Variants in TRIM50 observed in about 807,000 individuals in gnomAD.
TRIM50 encodes the protein tripartite motif containing 50.
In TRIM50, 34 loss-of-function variants were observed where a neutral mutation model predicts 44.9. The observed-to-expected ratio is 0.76, with a 90% CI of 0.58 to 1.01. The LOEUF (loss-of-function observed/expected upper bound fraction) is 1.01, where lower values mean the gene tolerates loss of function less well. TRIM50 is among the 50% of genes least tolerant of loss of function. TRIM50 has a pLI of 0.00. For synonymous variants in TRIM50, 307 were observed against 291.1 expected (o/e 1.05, Z -0.56); for missense variants, 633 against 663.7 (o/e 0.95, Z 0.51).
chr7:73,313,053 G>A lies in TRIM50; in HGVS notation c.1332C>T (p.Ala444=), dbSNP rs1426066070. 1.3e-6 allele frequency: 2 copies of A among 1,580,458 alleles called. No homozygotes were observed. Among genetic ancestry groups the A allele is most frequent in the Non-Finnish European group, 1.7e-6 (2 of 1,163,566 alleles). Residue 444 remains alanine (A), a synonymous_variant, in exon 7 of 7, where the codon GCC becomes GCT. Coordinates refer to ENST00000333149, the MANE Select transcript of TRIM50 (RefSeq NM_178125.3). The surrounding 1 kb of genome is among the most constrained non-coding windows in gnomAD (Gnocchi z 4.9). Reference sequence around the variant, plus strand: ...TGGGGTAGAGCTTGCCCTGGAAGTCGGCCTGGAAGGTGTAGAGCGGCCGCA... The same window carrying A: ...TGGGGTAGAGCTTGCCCTGGAAGTCAGCCTGGAAGGTGTAGAGCGGCCGCA... ...DDLRPLYTFQ[A]DFQGKLYPIL...
chr7:73,320,410 G>C (rs782012798), intron 2 of TRIM50, among the ~76,000 whole-genome samples, 168 bp from the exon 3 acceptor site: 10 of 152,224 alleles, frequency 6.6e-5, no homozygotes, highest in Admixed American at 2.6e-4. Flanking sequence ...TAAATTGTTC[G>C]AGAATAGTCT....
In TRIM50 at chr7:73,324,521, G is replaced by A. The variant is rs1554545613; in HGVS notation, c.267C>T (p.Cys89=). The A allele has an allele frequency of 4.3e-6, 7 of 1,613,996 alleles. No homozygotes were observed. The highest frequency in any genetic ancestry group is 1.7e-4 in the Middle Eastern group (1 of 5,914). Residue 89 remains cysteine, a synonymous_variant, in exon 2 of 7, where the codon TGC becomes TGT. Transcript: ENST00000333149. ...GGCTGAGCGGGTTCCGGTGGTGCAC[G>A]CAGACCTTGGGCTCCGGGTCCCCAG... The part of the protein sequence containing the change: ...RLPGDPEPKV[C]VHHRNPLSLF...
intron 2 of TRIM50, 113 bp downstream of exon 2, chr7:73,324,276 T>C (rs1804560908): frequency 6.4e-7 from 1 of 1,563,934 alleles, no homozygotes; most frequent in Non-Finnish European, 8.7e-7. Flanking sequence ...AGGGCACAGC[T>C]GCAGGGAAAT....
chr7:73,328,069 C>A lies in TRIM50; in HGVS notation c.-188G>T. The stretch of plus-strand genomic sequence containing the variant: ...GCCCCGCCTCGCGCTACCGCGCGTG[C>A]CCCATCATGCTCTGCGCGCTCCCAT... On this transcript the variant is annotated 5_prime_UTR_variant, in exon 1 of 7. Coordinates refer to ENST00000333149, the MANE Select transcript of TRIM50 (RefSeq NM_178125.3). 1.1e-6 allele frequency: 1 copy of A among 886,354 alleles called. No homozygotes were observed. The highest frequency in any genetic ancestry group is 1.8e-6 in the Non-Finnish European group (1 of 571,142). The allele number at this position is 886,354 out of a possible 1,614,324, so 54.9% of individuals were successfully genotyped here. A position where few individuals can be genotyped will look rare whatever the true frequency, so the allele number is the denominator to read the frequency against.
In TRIM50 at chr7:73,313,346, C is replaced by T. The variant is rs781787538; in HGVS notation, c.1039G>A (p.Gly347Ser). The change falls in exon 7 of 7, where the codon GGC (glycine) becomes AGC (serine). Residue 347 changes from glycine (G) to serine (S), a missense_variant. Coordinates refer to ENST00000333149, the MANE Select transcript of TRIM50 (RefSeq NM_178125.3). The surrounding 1 kb of genome is among the most constrained non-coding windows in gnomAD (Gnocchi z 4.9). ...ACCACCACCTCCCAGTAGTGGCGGC[C>T]GCAGGAGAAGCCGCGGCTGGCCAGG... ...CVLASRGFSC[G>S]RHYWEVVVGS... The T allele has an allele frequency of 1.5e-5, 24 of 1,603,538 alleles. No homozygotes were observed. The highest frequency in any genetic ancestry group is 6.7e-5 in the African/African-American group (5 of 74,788).
chr7:73,319,113 T>A, intron 3 of TRIM50, 61 bp from the exon 4 acceptor site: 1 of 1,613,216 alleles, frequency 6.2e-7, no homozygotes, highest in Non-Finnish European at 8.5e-7. Flanking sequence ...TCTGTCTGGC[T>A]GGCCTCGGTG....
intron 3 of TRIM50, among the ~76,000 whole-genome samples, chr7:73,319,606 C>T (rs1804444377): frequency 6.6e-6 from 1 of 152,224 alleles, no homozygotes; most frequent in Non-Finnish European, 1.5e-5. Flanking sequence ...AGGGCTGGTA[C>T]CGCCTGCCGC....
chr7:73,319,530 C>T (rs1433264737), intron 3 of TRIM50, among the ~76,000 whole-genome samples: 4 of 152,328 alleles, frequency 2.6e-5, no homozygotes, highest in East Asian at 1.9e-4. Context: ...AGGCCCTAGG[C>T]GAGCAGGCTT....
intron 2 of TRIM50, chr7:73,321,897 C>T (rs1390831293): frequency 6.6e-6 from 1 of 152,188 alleles, no homozygotes; most frequent in African/African-American, 2.4e-5. Flanking sequence ...ATTCCTTCCC[C>T]GTGAGAGGAA....
intron 6 of TRIM50, chr7:73,314,196 C>T (rs575340481): frequency 1.1e-5 from 4 of 375,356 alleles, no homozygotes; most frequent in East Asian, 7.0e-5. Context: ...TGGTTTATCC[C>T]GTTTGAGAAA....
intron 1 of TRIM50, among the ~76,000 whole-genome samples, chr7:73,327,364 G>A (rs1804660582): frequency 6.6e-6 from 1 of 152,176 alleles, no homozygotes; most frequent in Non-Finnish European, 1.5e-5. Flanking sequence ...GTGCAGTTCT[G>A]TAATCCCAGC....
Position 73,324,481 on chromosome 7 carries a change from C to G in TRIM50, c.307G>C (p.Asp103His). 6.2e-7 allele frequency: 1 copy of G among 1,613,670 alleles called. No homozygotes were observed. The highest frequency in any genetic ancestry group is 8.5e-7 in the Non-Finnish European group (1 of 1,180,030). Residue 103 changes from aspartate to histidine, a missense_variant, in exon 2 of 7, where the codon GAC becomes CAC. Coordinates refer to ENST00000333149, the MANE Select transcript of TRIM50 (RefSeq NM_178125.3). ...CAGAGGCCACAGATGAGCTCCTGGT[C>G]CTTCTCGCAGAAAAGGCTGAGCGGG... ...RNPLSLFCEK[D>H]QELICGLCGL...
At chr7:73,318,325 T>TG (rs1436779499) in intron 5 of TRIM50, among the ~76,000 whole-genome samples, 12 of 152,192 alleles carry the variant, frequency 7.9e-5, no homozygotes, top group African/African-American at 2.6e-4. Flanking sequence ...TTTGTAGAGA[T>TG]GGGGTCTTAC....
chr7:73,313,515 G>A lies in TRIM50; in HGVS notation c.875-5C>T, dbSNP rs782433487. 8.0e-6 allele frequency: 12 copies of A among 1,493,716 alleles called. No homozygotes were observed. In the Admixed American group the frequency reaches 1.5e-4, roughly 19 times the overall value. 92.5% of individuals were successfully genotyped at this position (1,493,716 alleles called of 1,614,324 possible). ...CCAACTTGAGAGGCTCCGGGGCTGG[G>A]AGGGAGATCACAGAGGGTCTGTGAG... On this transcript the variant is annotated splice_region_variant and splice_polypyrimidine_tract_variant and intron_variant, in intron 6 of 6. Transcript: ENST00000333149. The surrounding 1 kb of genome is among the most constrained non-coding windows in gnomAD (Gnocchi z 4.9).
chr7:73,316,905 CA>C (rs1554544182), intron 5 of TRIM50: 2 of 581,872 alleles, frequency 3.4e-6, no homozygotes, highest in Non-Finnish European at 5.4e-6. Flanking sequence ...TTCTAGAGTG[CA>C]GGTTTGGGGA....
intron 1 of TRIM50, among the ~76,000 whole-genome samples, chr7:73,326,710 C>T (rs1246977720): frequency 6.6e-6 from 1 of 152,042 alleles, no homozygotes; most frequent in African/African-American, 2.4e-5. Context: ...GTTACTTTCA[C>T]TCAATAATAT....
At chr7:73,314,149 GC>G in intron 6 of TRIM50, 1 of 381,844 alleles carries the variant, frequency 2.6e-6, no homozygotes, top group Non-Finnish European at 4.8e-6. Context: ...GGTGGCTCCG[GC>G]CCCTGCTGGC....
intron 5 of TRIM50, among the ~76,000 whole-genome samples, chr7:73,318,292 C>A (rs778145247): frequency 1.2e-4 from 18 of 152,154 alleles, no homozygotes; most frequent in Non-Finnish European, 2.9e-5. Flanking sequence ...CCATGCCCAA[C>A]TAATTTTTTT....
intron 2 of TRIM50, among the ~76,000 whole-genome samples, chr7:73,323,010 C>T (rs2115766149): frequency 6.6e-6 from 1 of 152,350 alleles, no homozygotes; most frequent in East Asian, 1.9e-4. Context: ...CCGTCCCTCA[C>T]CCTCCTTGCC....
Sources: gnomAD v4.1 joint callset for allele counts (sites outside exome capture counted in the v4.1 genomes callset) on GRCh38, gnomAD v4.1.1 for gene constraint, Gnocchi (gnomAD v3.1) non-coding constraint, MANE v1.5 for transcripts, NCBI Gene and HGNC (gene_info 2026-07-23, HGNC 2026-07-21) for gene names.